The following SNRPA1 variants were observed in gnomAD, a reference collection of about 807,000 sequenced individuals.
SNRPA1 encodes the protein small nuclear ribonucleoprotein polypeptide A'.
Under a neutral mutation model 32.3 loss-of-function variants are expected in SNRPA1, and 5 were observed. The observed-to-expected ratio is 0.15, with a 90% confidence interval of 0.08 to 0.33. SNRPA1 has a LOEUF of 0.33. SNRPA1 is among the 10% of genes least tolerant of loss of function. The pLI is 1.00. For synonymous variants in SNRPA1, 111 were observed against 120.1 expected (o/e 0.92, Z 0.50); for missense variants, 198 against 311.1 (o/e 0.64, Z 2.74).
intron 1 of SNRPA1, 186 bp downstream of exon 1, chr15:101,294,911 G>A: frequency 2.2e-6 from 1 of 460,820 alleles, no homozygotes; most frequent in Non-Finnish European, 3.9e-6. Flanking sequence ...GCTCCCAGGA[G>A]CTTAACCGGA....
At chr15:101,294,013 C>T (rs564123438) in intron 1 of SNRPA1, among the ~76,000 whole-genome samples, 2 of 152,300 alleles carry the variant, frequency 1.3e-5, no homozygotes, top group East Asian at 3.9e-4. Context: ...GCGGGCGGAT[C>T]ACCTGAGGTC....
intron 1 of SNRPA1, 56 bp downstream of exon 1, chr15:101,295,040 GA>G: frequency 8.2e-7 from 1 of 1,218,086 alleles, no homozygotes; most frequent in Non-Finnish European, 1.1e-6. Flanking sequence ...GCAAAGCGCG[GA>G]AAATAAGGCG....
At position 101,286,774 on chromosome 15, in the gene SNRPA1, C is replaced by T. The variant is rs187728428; in HGVS notation, c.459+134G>A. ...GCTATTAGAAAAAAATGTGATGTAA[C>T]ATTTTCCCTCCCACTTTTATTACAA... On this transcript the variant is annotated intron_variant, in intron 5 of 8. Transcript: ENST00000254193. 3.7e-3 allele frequency: 2,202 copies of T among 595,124 alleles called. 10 individuals are homozygous for T. The highest frequency in any genetic ancestry group is 5.1e-3 in the Non-Finnish European group (1,695 of 330,578). 36.9% of individuals were successfully genotyped at this position (595,124 alleles called of 1,614,324 possible).
At chr15:101,294,361 T>C (rs995953592) in intron 1 of SNRPA1, among the ~76,000 whole-genome samples, 1 of 152,226 alleles carries the variant, frequency 6.6e-6, no homozygotes, top group African/African-American at 2.4e-5. Flanking sequence ...TACGACAGCA[T>C]GGTCTTATCC....
chr15:101,292,540 C>CA (rs1206800097), intron 2 of SNRPA1, among the ~76,000 whole-genome samples: 2 of 149,072 alleles, frequency 1.3e-5, no homozygotes, highest in Non-Finnish European at 3.0e-5. Context: ...AAGGCAGGGT[C>CA]AAAAAAGATC....
At chr15:101,290,898 C>T (rs902421860) in intron 3 of SNRPA1, among the ~76,000 whole-genome samples, 1 of 152,030 alleles carries the variant, frequency 6.6e-6, no homozygotes, top group African/African-American at 2.4e-5. Flanking sequence ...CCCACCACCA[C>T]GCCCGGCTAA....
At chr15:101,293,326 G>A (rs2039549291) in intron 1 of SNRPA1, 154 bp from the exon 2 acceptor site, 4 of 510,732 alleles carry the variant, frequency 7.8e-6, no homozygotes, top group Admixed American at 3.9e-5. Flanking sequence ...ATGACTTGCC[G>A]CTGTTTAAGA....
At chr15:101,282,179 T>C (rs185199673) in intron 8 of SNRPA1, among the ~76,000 whole-genome samples, 17 of 152,376 alleles carry the variant, frequency 1.1e-4, no homozygotes, top group Admixed American at 1.1e-3. Context: ...AATGACTTTA[T>C]TGTCTCTAAA....
At chr15:101,287,091 C>A in intron 4 of SNRPA1, 81 bp from the exon 5 acceptor site, 1 of 626,156 alleles carries the variant, frequency 1.6e-6, no homozygotes. Context: ...TCTAAGGAAC[C>A]TATAAATCAA....
chr15:101,287,852 T>C, intron 3 of SNRPA1, 150 bp from the exon 4 acceptor site: 1 of 657,064 alleles, frequency 1.5e-6, no homozygotes, highest in Non-Finnish European at 2.7e-6. Flanking sequence ...ACATCACAAA[T>C]GTTTAAATAA....
intron 8 of SNRPA1, 187 bp downstream of exon 8, chr15:101,284,780 G>A: frequency 2.1e-6 from 1 of 487,454 alleles, no homozygotes; most frequent in Non-Finnish European, 3.9e-6. Flanking sequence ...GGGATTACAG[G>A]CGTGAGCCAC....
chr15:101,291,293 CATG>C (rs1341302738), intron 3 of SNRPA1, among the ~76,000 whole-genome samples: 1 of 152,200 alleles, frequency 6.6e-6, no homozygotes, highest in African/African-American at 2.4e-5. Context: ...ATTTAAAAAG[CATG>C]AAAACAGTTC....
intron 3 of SNRPA1, chr15:101,289,968 G>C (rs1050042855): frequency 2.2e-5 from 3 of 137,190 alleles, no homozygotes; most frequent in Non-Finnish European, 3.1e-5. Context: ...TTTTAAGAGA[G>C]AAATCTAAAC....
chr15:101,286,126 G>T, intron 6 of SNRPA1, 88 bp downstream of exon 6: 2 of 1,072,750 alleles, frequency 1.9e-6, no homozygotes, highest in East Asian at 2.5e-5. Flanking sequence ...CAGAGTTTTT[G>T]GTTAATTTTG....
intron 1 of SNRPA1, chr15:101,294,799 A>T (rs551525798): frequency 2.8e-6 from 1 of 359,204 alleles, no homozygotes. Context: ...TCAAACAGCC[A>T]GCGGCGAAAC....
In SNRPA1 at chr15:101,295,186, C is replaced by G. The variant is rs1269688031; in HGVS notation, c.-8G>C. On this transcript the variant is annotated 5_prime_UTR_variant, in exon 1 of 9. Transcript: ENST00000254193. ...CGCCGTCAGCTTGACCATCCTGCAG[C>G]CTCCCGTTCCCCCGCGCTGTGGAAA... is the stretch of plus-strand genomic sequence containing the variant. 2.0e-6 allele frequency: 3 copies of G among 1,537,342 alleles called. No individual in the cohort carries two copies. The highest frequency in any genetic ancestry group is 5.4e-5 in the East Asian group (2 of 37,202).
At chr15:101,291,473 C>T (rs1545855) in intron 3 of SNRPA1, among the ~76,000 whole-genome samples, 14,563 of 151,098 alleles carry the variant, frequency 0.096, 1,943 homozygotes, top group African/African-American at 0.3. Context: ...TTATCCAAAA[C>T]GTTATCATTT....
Position 101,288,859 on chromosome 15 carries a change from A to T in SNRPA1, c.310-1157T>A, listed in dbSNP as rs551384098. Among the ~76,000 whole-genome samples the T allele has an allele frequency of 7.2e-4, 109 of 152,316 alleles. 2 individuals carry two copies. Among genetic ancestry groups the T allele is most frequent in the African/African-American group, 2.5e-3 (102 of 41,572 alleles). ...AATAATGACTACAGGGGTCTGTGATAAGGGCTGCAGGGGCAAGAGCAATTT... is the reference window on the plus strand; with the variant it reads ...AATAATGACTACAGGGGTCTGTGATTAGGGCTGCAGGGGCAAGAGCAATTT... On this transcript the variant is annotated intron_variant, in intron 3 of 8. Coordinates refer to ENST00000254193, the MANE Select transcript of SNRPA1 (RefSeq NM_003090.4).
chr15:101,292,157 G>T, intron 2 of SNRPA1, 117 bp from the exon 3 acceptor site: 1 of 707,090 alleles, frequency 1.4e-6, no homozygotes, highest in Non-Finnish European at 2.4e-6. Context: ...CCAACACCCT[G>T]ATAAAGAGGA....
Sources: allele counts gnomAD v4.1 joint callset (sites outside exome capture counted in the v4.1 genomes callset), GRCh38; gene constraint gnomAD v4.1.1; transcripts MANE v1.5; gene names NCBI Gene and HGNC (gene_info 2026-07-23, HGNC 2026-07-21).